COQ6: variants seen among roughly 807,000 people sequenced by gnomAD.
COQ6 encodes the protein ubiquinone biosynthesis monooxygenase COQ6, mitochondrial.
COQ6 carries 45 observed loss-of-function variants against 55.5 expected under a neutral mutation model. The observed-to-expected ratio is 0.81, with a 90% CI of 0.64 to 1.04. The LOEUF is 1.04. Ranked by LOEUF, COQ6 falls within the 50% of genes least tolerant of loss-of-function variation. COQ6 has a pLI of 0.00. For missense variants in COQ6, 550 were observed against 601.3 expected (o/e 0.91, Z 0.89); for synonymous variants, 206 against 230.5 (o/e 0.89, Z 0.96).
chr14:73,959,617 G>T, intron 8 of COQ6, 95 bp downstream of exon 8: 1 of 1,593,752 alleles, frequency 6.3e-7, no homozygotes, highest in South Asian at 1.1e-5. Context: ...TGCCAGGCTG[G>T]AGCGCAGTGG....
At chr14:73,950,855 CTTG>C in intron 1 of COQ6, among the ~76,000 whole-genome samples, 1 of 152,324 alleles carries the variant, frequency 6.6e-6, no homozygotes, top group African/African-American at 2.4e-5. Flanking sequence ...CAGGTTTTGA[CTTG>C]TATTTCCCTA....
At chr14:73,952,636 A>T (rs2056247339) in intron 1 of COQ6, among the ~76,000 whole-genome samples, 1 of 151,400 alleles carries the variant, frequency 6.6e-6, no homozygotes, top group African/African-American at 2.4e-5. Context: ...GCCTCCCAAA[A>T]TGCTGAGATT....
chr14:73,961,432 C>T (rs747287198), intron 9 of COQ6, 23 bp from the exon 10 acceptor site: 30 of 1,613,774 alleles, frequency 1.9e-5, no homozygotes, highest in Non-Finnish European at 2.4e-5. Context: ...AGAGGTCACA[C>T]CTGAACTCTG....
At chr14:73,952,542 A>T (rs1230421118) in intron 1 of COQ6, among the ~76,000 whole-genome samples, 2 of 151,340 alleles carry the variant, frequency 1.3e-5, no homozygotes, top group African/African-American at 4.9e-5. Flanking sequence ...TAGTTAAAAA[A>T]AATTTTTTTT....
upstream of COQ6, chr14:73,950,067 T>C (rs1197433234): frequency 6.2e-7 from 1 of 1,607,282 alleles, no homozygotes; most frequent in South Asian, 1.1e-5. Context: ...ACAGCGATAG[T>C]GGCAGCAGCG....
intron 4 of COQ6, 66 bp from the exon 5 acceptor site, chr14:73,958,081 T>C (rs751004314): frequency 1.2e-5 from 16 of 1,328,060 alleles, no homozygotes; most frequent in Non-Finnish European, 1.6e-5. Context: ...GGTTTAGTTA[T>C]GGCTTTTTCC....
chr14:73,962,847 C>CT (rs1435777399), intron 11 of COQ6, 123 bp from the exon 12 acceptor site: 2 of 830,064 alleles, frequency 2.4e-6, no homozygotes, highest in Admixed American at 2.3e-5. Context: ...GTATATTTTT[C>CT]TTTTTTTAGC....
Position 73,950,498 on chromosome 14 carries a change from A to G in COQ6, c.163+3A>G. ...CGCTGCCATGGCCTGTGCCTTGGGT[A>G]AGCCCTTCTCCAGGCTACTAGTGGC... On this transcript the variant is annotated splice_donor_region_variant and intron_variant, in intron 1 of 11. Coordinates refer to ENST00000334571, the MANE Select transcript of COQ6 (RefSeq NM_182476.3). 1 of 1,603,758 alleles carries G rather than the reference A, an allele frequency of 6.2e-7. No homozygotes were observed.
chr14:73,962,901 T>C lies in COQ6; in HGVS notation c.1378-69T>C, dbSNP rs79648077. On this transcript the variant is annotated intron_variant, in intron 11 of 11. Coordinates refer to ENST00000334571, the MANE Select transcript of COQ6 (RefSeq NM_182476.3). The stretch of plus-strand genomic sequence containing the variant: ...CTTGGGAAGAATACCTACGTGATTA[T>C]TATCTACAATAATTATTTTCTTCAC... 8,752 of 1,301,432 alleles carry C rather than the reference T, an allele frequency of 6.7e-3. 67 individuals carry two copies. The highest frequency in any genetic ancestry group is 0.03 in the East Asian group (1,319 of 43,358). The allele number at this position is 1,301,432 out of a possible 1,614,324, so 80.6% of individuals were successfully genotyped here. A position where few individuals can be genotyped will look rare whatever the true frequency, so the allele number is the denominator to read the frequency against.
At chr14:73,962,764 C>G in intron 11 of COQ6, 2 of 591,762 alleles carry the variant, frequency 3.4e-6, no homozygotes. Flanking sequence ...CTGCAGTGAG[C>G]TATGATCACA....
chr14:73,952,114 C>CTTTTTTT (rs869273031), intron 1 of COQ6, among the ~76,000 whole-genome samples: 12 of 73,728 alleles, frequency 1.6e-4, no homozygotes, highest in Non-Finnish European at 2.6e-4. Flanking sequence ...CTGGAGCTAA[C>CTTTTTTT]TTTTTTTTTT....
intron 3 of COQ6, 147 bp downstream of exon 3, chr14:73,955,656 G>A: frequency 4.3e-6 from 6 of 1,397,490 alleles, no homozygotes; most frequent in Non-Finnish European, 6.1e-6. Flanking sequence ...GCATTCCCAG[G>A]AGAATTTTCT....
chr14:73,961,360 G>A lies in COQ6; in HGVS notation c.1079G>A (p.Arg360Gln), dbSNP rs367817034. The change falls in exon 9 of 12, where the codon CGG becomes CAG. Residue 360 changes from arginine to glutamine, a missense_variant. By Grantham distance (43) the Arg-to-Gln change is conservative. Coordinates refer to ENST00000334571, the MANE Select transcript of COQ6 (RefSeq NM_182476.3). ...LGHAAEYVRP[R>Q]VALIGDAAHR... is the part of the protein sequence containing the mutation. Reference sequence around the variant, plus strand: ...CATGCTGCTGAGTACGTCAGGCCTCGGGTGGCGCTCATTGGGTAAGACGAT... The same window carrying A: ...CATGCTGCTGAGTACGTCAGGCCTCAGGTGGCGCTCATTGGGTAAGACGAT... 3.8e-5 allele frequency: 61 copies of A among 1,614,168 alleles called. 1 individual carries two copies. The Middle Eastern group carries it at 4.9e-4, about 13-fold the overall frequency.
chr14:73,963,602 A>G lies in COQ6; in HGVS notation c.*603A>G, dbSNP rs1378284063. On this transcript the variant is annotated 3_prime_UTR_variant, in exon 12 of 12. Coordinates refer to ENST00000334571, the MANE Select transcript of COQ6 (RefSeq NM_182476.3). ...CACTGTCGGTTTAATAAAACAATAA[A>G]TAATTCATTGCACAGATCCGAAGAC... 1 of 156,164 alleles carries G rather than the reference A, an allele frequency of 6.4e-6. No individual in the cohort carries two copies. Among genetic ancestry groups the G allele is most frequent in the African/African-American group, 2.4e-5 (1 of 41,476 alleles). The allele number at this position is 156,164 out of a possible 1,614,324, so 9.7% of individuals were successfully genotyped here.
At chr14:73,957,975 G>C in intron 4 of COQ6, 172 bp from the exon 5 acceptor site, 1 of 649,474 alleles carries the variant, frequency 1.5e-6, no homozygotes, top group Non-Finnish European at 2.8e-6. Flanking sequence ...AGTTATCTCT[G>C]TGGCTTCTGT....
In COQ6 at chr14:73,959,446, C is replaced by T. The variant is rs1266875914; in HGVS notation, c.815C>T (p.Ser272Phe). Residue 272 changes from serine (S) to phenylalanine (F), a missense_variant, in exon 8 of 12, where the codon TCC becomes TTC. Coordinates refer to ENST00000334571, the MANE Select transcript of COQ6 (RefSeq NM_182476.3). ...LSDTLSSLVW[S>F]TSHEHAAELV... Reference sequence around the variant, plus strand: ...GACACCTTGAGTTCCTTGGTTTGGTCCACGTCCCATGAACATGCAGCAGAG... The same window carrying T: ...GACACCTTGAGTTCCTTGGTTTGGTTCACGTCCCATGAACATGCAGCAGAG... 1.9e-6 allele frequency: 3 copies of T among 1,614,182 alleles called. No individual in the cohort carries two copies. The Admixed American group carries it at 5.0e-5, about 27-fold the overall frequency.
rs746624730 is a variant in COQ6 at position 73,955,833 on chromosome 14, T to C, written c.386T>C (p.Ile129Thr). The C allele has an allele frequency of 6.2e-7, 1 of 1,614,168 alleles. No individual in the cohort carries two copies. The highest frequency in any genetic ancestry group is 2.2e-5 in the East Asian group (1 of 44,888). ...QVWDACSEAL[I>T]MFDKDNLDDM... ...TGGGACGCCTGCTCAGAGGCCCTGA[T>C]AATGTTTGATAAGGATAATTTAGAT... Residue 129 changes from isoleucine to threonine, a missense_variant, in exon 4 of 12, where the codon ATA becomes ACA. Transcript: ENST00000334571.
At chr14:73,950,241 CG>C, upstream of COQ6, 1 of 1,538,554 alleles carries the variant, frequency 6.5e-7, no homozygotes, top group Middle Eastern at 1.7e-4. Flanking sequence ...GAGGACGCCG[CG>C]GAAGCGGGAC....
intron 4 of COQ6, 155 bp downstream of exon 4, chr14:73,956,083 T>G (rs566931169): frequency 5.8e-5 from 62 of 1,062,450 alleles, no homozygotes; most frequent in Admixed American, 1.3e-4. Context: ...CCAGCACTTT[T>G]GGAGGCTAAG....
Sources: allele counts gnomAD v4.1 joint callset (sites outside exome capture counted in the v4.1 genomes callset), GRCh38; gene constraint gnomAD v4.1.1; transcripts MANE v1.5; gene names NCBI Gene and HGNC (gene_info 2026-07-23, HGNC 2026-07-21).